The following RNF115 variants were observed in gnomAD, a reference collection of about 807,000 sequenced individuals.
The protein encoded by RNF115 is ring finger protein 115.
In RNF115, 31 loss-of-function variants were observed where a neutral mutation model predicts 39.2. That is an observed-to-expected ratio of 0.79 (90% CI 0.59 to 1.07). The LOEUF (loss-of-function observed/expected upper bound fraction) is 1.07, where lower values mean the gene tolerates loss of function less well. Among genes scored for constraint, RNF115 ranks in the 50% least tolerant of loss-of-function variants. The probability of loss-of-function intolerance (pLI) is 0.00; values close to 1 mark genes in which losing one functional copy is unlikely to be tolerated. For synonymous variants in RNF115, 124 were observed against 131.0 expected (o/e 0.95, Z 0.37); for missense variants, 384 against 381.7 (o/e 1.01, Z -0.05).
rs751008789 is a variant in RNF115 at position 145,793,498 on chromosome 1, A to C, written c.103-4532T>G. Among the ~76,000 whole-genome samples, 302 of 151,618 alleles carry C rather than the reference A, an allele frequency of 2.0e-3. 1 individual carries two copies. Among genetic ancestry groups the C allele is most frequent in the Middle Eastern group, 6.8e-3 (2 of 294 alleles). On this transcript the variant is annotated intron_variant, in intron 1 of 8. Transcript: ENST00000582693. Reference sequence around the variant, plus strand: ...CCTCTTTCTTCTCTCTCCCTCTCTCACTCATTCCTATTGCTTTAAATCTCT... The same window carrying C: ...CCTCTTTCTTCTCTCTCCCTCTCTCCCTCATTCCTATTGCTTTAAATCTCT...
At chr1:145,752,222 G>A (rs1325587832) in intron 5 of RNF115, among the ~76,000 whole-genome samples, 1 of 152,110 alleles carries the variant, frequency 6.6e-6, no homozygotes, top group African/African-American at 2.4e-5. Flanking sequence ...CTCTGATACT[G>A]AATTACAGCC....
At chr1:145,768,599 C>G (rs916046886) in intron 4 of RNF115, among the ~76,000 whole-genome samples, 2 of 152,110 alleles carry the variant, frequency 1.3e-5, no homozygotes, top group African/African-American at 4.8e-5. Flanking sequence ...CAGGTGTGAG[C>G]CACCGCACCC....
intron 1 of RNF115, among the ~76,000 whole-genome samples, chr1:145,823,182 CGCT>C (rs1553724698): frequency 1.1e-5 from 1 of 95,062 alleles, no homozygotes; most frequent in African/African-American, 3.1e-5. Flanking sequence ...GTCATTAGTA[CGCT>C]GCTGTCTTCA....
At position 145,795,061 on chromosome 1, in the gene RNF115, C is replaced by T. The variant is rs1648904726; in HGVS notation, c.103-6095G>A. 2.7e-5 allele frequency among the ~76,000 whole-genome samples: 4 copies of T among 150,576 alleles called. No homozygotes were observed. The South Asian group carries it at 8.4e-4, about 32-fold the overall frequency. ...AAGATAGTGTGTCCGGAGTTTGTTC[C>T]TTCAGATGTTCAGATGTGTCTGGGG... On this transcript the variant is annotated intron_variant, in intron 1 of 8. Transcript: ENST00000582693.
At chr1:145,756,598 G>T (rs587595560) in intron 4 of RNF115, among the ~76,000 whole-genome samples, 40 of 152,178 alleles carry the variant, frequency 2.6e-4, no homozygotes, top group Middle Eastern at 3.4e-3. Context: ...CCACAAACTG[G>T]GTAGCTTAAA....
In RNF115 at chr1:145,752,817, G is replaced by A. The variant is rs375773505; in HGVS notation, c.500+161C>T. ...TTAGCCAGGATGGCCTCGATCTCCT[G>A]ACCTCGTGATCCGCCAGCCTCGGCC... On this transcript the variant is annotated intron_variant, in intron 5 of 8. Transcript: ENST00000582693. Among the ~76,000 whole-genome samples the A allele has an allele frequency of 6.6e-5, 10 of 152,042 alleles. No homozygotes were observed. The East Asian group carries it at 1.5e-3, about 24-fold the overall frequency.
chr1:145,767,176 C>T (rs1304257216), intron 4 of RNF115, among the ~76,000 whole-genome samples: 4 of 149,694 alleles, frequency 2.7e-5, no homozygotes, highest in Non-Finnish European at 5.9e-5. Flanking sequence ...ACCTCCCGGA[C>T]GGGGTGGCTG....
intron 4 of RNF115, among the ~76,000 whole-genome samples, chr1:145,761,877 G>A (rs187457046): frequency 2.7e-4 from 41 of 152,308 alleles, no homozygotes; most frequent in African/African-American, 8.4e-4. Flanking sequence ...GAGGGAGGTT[G>A]GACCCCGCAA....
intron 1 of RNF115, among the ~76,000 whole-genome samples, chr1:145,799,954 T>C (rs948468179): frequency 6.6e-6 from 1 of 152,194 alleles, no homozygotes; most frequent in African/African-American, 2.4e-5. Context: ...CCTAGTTGAG[T>C]GTTTTTATCA....
Position 145,746,551 on chromosome 1 carries a change from C to T in RNF115, c.*315G>A. The T allele has an allele frequency of 4.7e-6, 1 of 212,228 alleles. No individual in the cohort carries two copies. Among genetic ancestry groups the T allele is most frequent in the East Asian group, 1.1e-4 (1 of 8,824 alleles). 13.1% of individuals were successfully genotyped at this position (212,228 alleles called of 1,614,324 possible). A position where few individuals can be genotyped will look rare whatever the true frequency, so the allele number is the denominator to read the frequency against. On this transcript the variant is annotated 3_prime_UTR_variant, in exon 9 of 9. Coordinates refer to ENST00000582693, the MANE Select transcript of RNF115 (RefSeq NM_014455.4). ...GGTGGAAACATCCGTTACAAGGCAACATGACAGACAGCAGGACCCTAACTA... is the reference window on the plus strand; with the variant it reads ...GGTGGAAACATCCGTTACAAGGCAATATGACAGACAGCAGGACCCTAACTA...
rs1553711109 is a variant in RNF115, at chr1:145,742,481, A to G, written c.*4385T>C. On this transcript the variant is annotated 3_prime_UTR_variant, in exon 9 of 9. Transcript: ENST00000582693. ...CCAGTGAATCCCTTCATCACAGAGA[A>G]TAACAGGGTACCAGCCCAAGCCAAC... The G allele has an allele frequency of 6.6e-6, 1 of 152,254 alleles. No homozygotes were observed. Among genetic ancestry groups the G allele is most frequent in the South Asian group, 2.1e-4 (1 of 4,828 alleles). The allele number at this position is 152,254 out of a possible 1,614,324, so 9.4% of individuals were successfully genotyped here. A position where few individuals can be genotyped will look rare whatever the true frequency, so the allele number is the denominator to read the frequency against.
In RNF115 at chr1:145,748,054, G is replaced by A. The variant is rs587646473; in HGVS notation, c.724C>T (p.Arg242Trp). Residue 242 changes from arginine to tryptophan, a missense_variant, in exon 8 of 9, where the codon CGG (arginine) becomes TGG (tryptophan). Physicochemically the swap from Arg to Trp is moderately radical, Grantham distance 101 (BLOSUM62 -3). Transcript: ENST00000582693. Reference protein sequence around the residue: ...KEDYTVEEEVRQLPCNHFFHS... With the variant: ...KEDYTVEEEVWQLPCNHFFHS... ...AAGAAGTGATTGCAAGGTAACTGCC[G>A]GACTTCCTCTTCAACTGTGTAATCT... The A allele has an allele frequency of 2.3e-5, 37 of 1,613,762 alleles. No individual in the cohort carries two copies. The highest frequency in any genetic ancestry group is 2.9e-5 in the Non-Finnish European group (34 of 1,179,778).
intron 4 of RNF115, among the ~76,000 whole-genome samples, chr1:145,756,865 G>A (rs71665913): frequency 7.9e-6 from 1 of 127,250 alleles, no homozygotes; most frequent in Non-Finnish European, 1.6e-5. Context: ...TTGAGGCAGA[G>A]TCTCACTCTC....
intron 1 of RNF115, among the ~76,000 whole-genome samples, chr1:145,807,115 G>C (rs1005946163): frequency 6.6e-6 from 1 of 152,174 alleles, no homozygotes; most frequent in Non-Finnish European, 1.5e-5. Flanking sequence ...ATGGACTGCT[G>C]TTACTGTTGC....
intron 4 of RNF115, among the ~76,000 whole-genome samples, chr1:145,765,839 T>C (rs1647228066): frequency 6.6e-6 from 1 of 152,162 alleles, no homozygotes; most frequent in African/African-American, 2.4e-5. Flanking sequence ...TCCCTGTCTC[T>C]GTGTTAGTAA....
At chr1:145,776,409 C>G (rs968335603) in intron 3 of RNF115, among the ~76,000 whole-genome samples, 4 of 152,000 alleles carry the variant, frequency 2.6e-5, no homozygotes, top group Non-Finnish European at 5.9e-5. Flanking sequence ...GGAGATCCAC[C>G]TGCCTCGGCC....
chr1:145,742,685 T>A lies in RNF115; in HGVS notation c.*4181A>T, dbSNP rs1331213173. On this transcript the variant is annotated 3_prime_UTR_variant, in exon 9 of 9. Coordinates refer to ENST00000582693, the MANE Select transcript of RNF115 (RefSeq NM_014455.4). ...ATACACGTGTTTGTCTGTGAATATA[T>A]AAATATCTCTATTTACACATATATA... The A allele has an allele frequency of 3.3e-5, 5 of 152,190 alleles. No individual in the cohort carries two copies. The highest frequency in any genetic ancestry group is 1.2e-4 in the African/African-American group (5 of 41,434). The allele number at this position is 152,190 out of a possible 1,614,324, so 9.4% of individuals were successfully genotyped here. A position where few individuals can be genotyped will look rare whatever the true frequency, so the allele number is the denominator to read the frequency against.
Position 145,823,819 on chromosome 1 carries a change from G to A in RNF115, c.55C>T (p.Arg19Trp), listed in dbSNP as rs782698136. The A allele has an allele frequency of 1.9e-6, 3 of 1,585,592 alleles. No homozygotes were observed. The highest frequency in any genetic ancestry group is 2.6e-6 in the Non-Finnish European group (3 of 1,169,284). Residue 19 changes from arginine (R) to tryptophan (W), a missense_variant, in exon 1 of 9, where the codon CGG (arginine) becomes TGG (tryptophan). By Grantham distance (101) the Arg-to-Trp change is moderately radical (BLOSUM62 -3). Transcript: ENST00000582693. ...CCCTTGCAAAAGTGGCAGAAAAACCGGTGGGCGGCTACAGCGGCGCCCGAG... is the reference window on the plus strand; with the variant it reads ...CCCTTGCAAAAGTGGCAGAAAAACCAGTGGGCGGCTACAGCGGCGCCCGAG... ...ADSGAAVAAH[R>W]FFCHFCKGEV...
chr1:145,771,430 G>A (rs587728613), intron 4 of RNF115, among the ~76,000 whole-genome samples: 1 of 152,240 alleles, frequency 6.6e-6, no homozygotes, highest in South Asian at 2.1e-4. Context: ...CCCAGTCTCA[G>A]GTATTCTGCT....
Sources: allele counts gnomAD v4.1 joint callset (sites outside exome capture counted in the v4.1 genomes callset), GRCh38; gene constraint gnomAD v4.1.1; transcripts MANE v1.5; gene names NCBI Gene and HGNC (gene_info 2026-07-23, HGNC 2026-07-21).